Variants in MKKS observed in about 807,000 individuals in gnomAD.
MKKS encodes the protein molecular chaperone MKKS.
In MKKS, 29 loss-of-function variants were observed where a neutral mutation model predicts 33.2. The ratio of observed to expected loss-of-function variants is 0.87; its 90% CI spans 0.65 to 1.19. The LOEUF (loss-of-function observed/expected upper bound fraction) is 1.19, where lower values mean the gene tolerates loss of function less well. MKKS is among the 50% of genes most tolerant of loss of function. The probability of loss-of-function intolerance (pLI) is 0.00; values close to 1 mark genes in which losing one functional copy is unlikely to be tolerated. For synonymous variants in MKKS, 260 were observed against 244.0 expected (o/e 1.07, Z -0.61); for missense variants, 661 against 662.3 (o/e 1.00, Z 0.02).
intron 3 of MKKS, among the ~76,000 whole-genome samples, chr20:10,411,805 T>C (rs7269654): frequency 0.022 from 3,291 of 152,334 alleles, 111 homozygotes; most frequent in African/African-American, 0.075. Context: ...GTAGCTCACA[T>C]CAGGAACTCT....
rs747959135 is a variant in MKKS, at chr20:10,413,204, T to C, written c.311A>G (p.Glu104Gly). The change falls in exon 3 of 6, where the codon GAA (glutamate) becomes GGA (glycine). Residue 104 changes from glutamate to glycine, a missense_variant. Glu to Gly is a moderately conservative substitution (Grantham distance 98). Coordinates refer to ENST00000347364, the MANE Select transcript of MKKS (RefSeq NM_170784.3). ...TGTCAAGCCTAATCTCTGAACATTTTCAATCAGGTTGCAGCAAAGAATAGC... is the reference window on the plus strand; with the variant it reads ...TGTCAAGCCTAATCTCTGAACATTTCCAATCAGGTTGCAGCAAAGAATAGC... The part of the protein sequence containing the change: ...FTAILCCNLI[E>G]NVQRLGLTPT... 1.2e-5 allele frequency: 20 copies of C among 1,614,110 alleles called. No individual in the cohort carries two copies. In the African/African-American group the frequency reaches 2.5e-4, roughly 20 times the overall value.
intron 4 of MKKS, 56 bp downstream of exon 4, chr20:10,408,572 G>T: frequency 1.3e-6 from 2 of 1,556,480 alleles, no homozygotes; most frequent in South Asian, 1.1e-5. Flanking sequence ...AATAACTATT[G>T]AGTGACTAAT....
In MKKS at chr20:10,408,754, T is replaced by C. The variant is rs1568664362; in HGVS notation, c.1035A>G (p.Gly345=). 1 of 1,613,828 alleles carries C rather than the reference T, an allele frequency of 6.2e-7. No homozygotes were observed. The highest frequency in any genetic ancestry group is 8.5e-7 in the Non-Finnish European group (1 of 1,179,820). The change falls in exon 4 of 6, where the codon GGA becomes GGG. Residue 345 remains glycine, a synonymous_variant. Coordinates refer to ENST00000347364, the MANE Select transcript of MKKS (RefSeq NM_170784.3). ...SLGSICPNSY[G]SVKDVCTAKF... ...TTGCAGTGCACACATCTTTCACACT[T>C]CCATAACTATTAGGACATATTGAGC... is the stretch of plus-strand genomic sequence containing the variant.
intron 2 of MKKS, among the ~76,000 whole-genome samples, chr20:10,418,215 C>G (rs1027308374): frequency 2.0e-5 from 3 of 152,058 alleles, no homozygotes; most frequent in Non-Finnish European, 4.4e-5. Flanking sequence ...TCTAGCAGTT[C>G]AAAAAACAGA....
At chr20:10,433,640 T>C (rs539436046) in intron 1 of MKKS, among the ~76,000 whole-genome samples, 96 of 152,286 alleles carry the variant, frequency 6.3e-4, no homozygotes, top group African/African-American at 2.1e-3. Context: ...GCGGCTGCTT[T>C]CACGTAGCTG....
intron 1 of MKKS, among the ~76,000 whole-genome samples, chr20:10,428,825 CAGAGCA>C (rs1475770880): frequency 6.8e-6 from 1 of 146,086 alleles, no homozygotes; most frequent in Non-Finnish European, 1.5e-5. Flanking sequence ...GCCTAGGTGA[CAGAGCA>C]AGACTCCGTC....
intron 2 of MKKS, among the ~76,000 whole-genome samples, chr20:10,416,977 T>C (rs1210644148): frequency 6.6e-6 from 1 of 151,946 alleles, no homozygotes; most frequent in Non-Finnish European, 1.5e-5. Context: ...TGATCTTTTA[T>C]AGAAAAAAAG....
intron 1 of MKKS, among the ~76,000 whole-genome samples, chr20:10,421,590 T>C (rs922045181): frequency 6.6e-6 from 1 of 152,140 alleles, no homozygotes; most frequent in Admixed American, 6.6e-5. Flanking sequence ...AAAAGATTTC[T>C]GGCTTGAACG....
Position 10,405,226 on chromosome 20 carries a change from T to C in MKKS, c.*21A>G, listed in dbSNP as rs532973454. 32 of 1,577,338 alleles carry C rather than the reference T, an allele frequency of 2.0e-5. 1 individual carries two copies. In the African/African-American group the frequency reaches 4.3e-4, roughly 21 times the overall value. On this transcript the variant is annotated 3_prime_UTR_variant, in exon 6 of 6. Transcript: ENST00000347364. ...CAGACTAGTTTATTTGTTTCTCTTG[T>C]AATACGAACATGCTATTCTCTTAGT...
rs542884662 is a variant in MKKS at position 10,434,164 on chromosome 20, G to C, written c.-705C>G. ...GCCACCGCCAGAGGCCCCAGAAACAGATCTCAAGCAGCCGCTGCTGCCGCG... is the reference window on the plus strand; with the variant it reads ...GCCACCGCCAGAGGCCCCAGAAACACATCTCAAGCAGCCGCTGCTGCCGCG... On this transcript the variant is annotated 5_prime_UTR_variant, in exon 1 of 6. It adds an upstream start codon to the 5' untranslated region. Transcript: ENST00000347364. 1 of 152,302 alleles carries C rather than the reference G, an allele frequency of 6.6e-6. No homozygotes were observed. Among genetic ancestry groups the C allele is most frequent in the African/African-American group, 2.4e-5 (1 of 41,404 alleles). 9.4% of individuals were successfully genotyped at this position (152,302 alleles called of 1,614,324 possible).
At chr20:10,407,200 A>G (rs2064849407) in intron 5 of MKKS, among the ~76,000 whole-genome samples, 1 of 152,178 alleles carries the variant, frequency 6.6e-6, no homozygotes, top group South Asian at 2.1e-4. Flanking sequence ...TTCTGTAGAA[A>G]CTTGGCCCTT....
intron 1 of MKKS, among the ~76,000 whole-genome samples, chr20:10,421,544 C>T (rs1055470766): frequency 4.6e-5 from 7 of 152,004 alleles, no homozygotes; most frequent in Admixed American, 1.3e-4. Flanking sequence ...GTTTCAACTG[C>T]GATTGCAACA....
At chr20:10,429,444 C>T (rs994731252) in intron 1 of MKKS, among the ~76,000 whole-genome samples, 11 of 152,188 alleles carry the variant, frequency 7.2e-5, no homozygotes, top group African/African-American at 2.2e-4. Context: ...GGCTCTCACA[C>T]GTTCATCTCC....
intron 2 of MKKS, among the ~76,000 whole-genome samples, chr20:10,415,222 G>A (rs181409206): frequency 4.6e-5 from 7 of 152,186 alleles, no homozygotes; most frequent in Admixed American, 3.3e-4. Flanking sequence ...TATATTATTC[G>A]TTAGTATTTC....
chr20:10,433,934 G>A (rs904247489), intron 1 of MKKS, among the ~76,000 whole-genome samples, 174 bp downstream of exon 1: 2 of 152,156 alleles, frequency 1.3e-5, no homozygotes, highest in African/African-American at 2.4e-5. Context: ...TTCAGAGGTC[G>A]GTCTTTCGCC....
At position 10,402,393 on chromosome 20, in the gene MKKS, T is replaced by C. The variant is rs189992964; in HGVS notation, c.*2854A>G. ...TTTGAACGCTAATTTTCTTGAACTATAGAGGAAGGTTTTTTTTCTCTTTTT... is the reference window on the plus strand; with the variant it reads ...TTTGAACGCTAATTTTCTTGAACTACAGAGGAAGGTTTTTTTTCTCTTTTT... On this transcript the variant is annotated 3_prime_UTR_variant, in exon 6 of 6. Transcript: ENST00000347364. 9.2e-5 allele frequency: 14 copies of C among 152,350 alleles called. No individual in the cohort carries two copies. The highest frequency in any genetic ancestry group is 3.9e-4 in the East Asian group (2 of 5,190). The allele number at this position is 152,350 out of a possible 1,614,324, so 9.4% of individuals were successfully genotyped here.
chr20:10,416,087 A>C (rs527259185), intron 2 of MKKS, among the ~76,000 whole-genome samples: 14 of 152,310 alleles, frequency 9.2e-5, no homozygotes, highest in African/African-American at 3.4e-4. Flanking sequence ...GTGCTCCATA[A>C]TTCCAAGAGT....
In MKKS at chr20:10,405,309, C is replaced by T. The variant is rs1568662525; in HGVS notation, c.1651G>A (p.Val551Met). Residue 551 changes from valine to methionine, a missense_variant, in exon 6 of 6, where the codon GTG becomes ATG. By Grantham distance (21) the Val-to-Met change is conservative. Coordinates refer to ENST00000347364, the MANE Select transcript of MKKS (RefSeq NM_170784.3). ...ATCAAATTGGCTGTCTCTACAGCCACCTGTAGGCCACTAAGCTTTGCAGTC... is the reference window on the plus strand; with the variant it reads ...ATCAAATTGGCTGTCTCTACAGCCATCTGTAGGCCACTAAGCTTTGCAGTC... ...CLTAKLSGLQ[V>M]AVETANLILD... The T allele has an allele frequency of 6.2e-7, 1 of 1,613,952 alleles. No homozygotes were observed. Among genetic ancestry groups the T allele is most frequent in the African/African-American group, 1.3e-5 (1 of 75,028 alleles).
intron 1 of MKKS, among the ~76,000 whole-genome samples, chr20:10,428,650 C>T (rs1600860754): frequency 1.3e-5 from 2 of 152,214 alleles, no homozygotes; most frequent in African/African-American, 4.8e-5. Context: ...ACCAGTTTGG[C>T]CAAGATGGTG....
Sources: allele counts gnomAD v4.1 joint callset (sites outside exome capture counted in the v4.1 genomes callset), GRCh38; gene constraint gnomAD v4.1.1; transcripts MANE v1.5; gene names NCBI Gene and HGNC (gene_info 2026-07-23, HGNC 2026-07-21).